Variants in PLA2G4C observed in about 807,000 individuals in gnomAD.
PLA2G4C encodes the protein phospholipase A2 group IVC.
PLA2G4C carries 64 observed loss-of-function variants against 73.8 expected under a neutral mutation model. That is an observed-to-expected ratio of 0.87 (90% CI 0.71 to 1.07). The LOEUF (loss-of-function observed/expected upper bound fraction) is 1.07. PLA2G4C is among the 50% of genes least tolerant of loss of function. The pLI is 0.00. For synonymous variants in PLA2G4C, 254 were observed against 252.1 expected (o/e 1.01, Z -0.07); for missense variants, 622 against 665.4 (o/e 0.93, Z 0.72).
chr19:48,061,121 C>A (rs1007385333), intron 14 of PLA2G4C, among the ~76,000 whole-genome samples: 9 of 152,144 alleles, frequency 5.9e-5, no homozygotes, highest in Admixed American at 5.9e-4. Flanking sequence ...GACCCTGTCT[C>A]TAAAACAATT....
rs141275643 is a variant in PLA2G4C, at chr19:48,098,977, G to A, written c.447+694C>T. Among the ~76,000 whole-genome samples, 22 of 151,202 alleles carry A rather than the reference G, an allele frequency of 1.5e-4. No individual in the cohort carries two copies. In the East Asian group the frequency reaches 3.2e-3, roughly 22 times the overall value. ...AGGCTGGATGCAGTGGCTCATACACGTAATCCCAGCACTTCGGGAGGCTGA... is the reference window on the plus strand; with the variant it reads ...AGGCTGGATGCAGTGGCTCATACACATAATCCCAGCACTTCGGGAGGCTGA... On this transcript the variant is annotated intron_variant, in intron 5 of 16. Transcript: ENST00000599921.
chr19:48,053,106 G>A lies in PLA2G4C; in HGVS notation c.1471C>T (p.Leu491Phe). 1 of 1,611,090 alleles carries A rather than the reference G, an allele frequency of 6.2e-7. No individual in the cohort carries two copies. Among genetic ancestry groups the A allele is most frequent in the African/African-American group, 1.3e-5 (1 of 74,986 alleles). The change falls in exon 16 of 17, where the codon CTT becomes TTT. Residue 491 changes from leucine (L) to phenylalanine (F), a missense_variant. By Grantham distance (22) the Leu-to-Phe change is conservative. Transcript: ENST00000599921. ...ACATCTAGAGTGTAGGTGTCAGCAA[G>A]CTTGAATGTGTCGTATGTGTCACTC... ...AWSDTYDTFK[L>F]ADTYTLDVVV...
chr19:48,048,588 G>A (rs1238262283), intron 16 of PLA2G4C, among the ~76,000 whole-genome samples, 200 bp from the exon 17 acceptor site: 2 of 152,130 alleles, frequency 1.3e-5, no homozygotes, highest in African/African-American at 2.4e-5. Flanking sequence ...CTTTTACCAC[G>A]TAAACGTTTA....
chr19:48,068,112 G>A (rs537802344), intron 12 of PLA2G4C, among the ~76,000 whole-genome samples: 11 of 152,266 alleles, frequency 7.2e-5, no homozygotes, highest in African/African-American at 2.4e-4. Flanking sequence ...GACCATCCTG[G>A]CCAACATGGT....
chr19:48,073,676 A>G (rs1481225048), intron 12 of PLA2G4C, among the ~76,000 whole-genome samples: 4 of 152,118 alleles, frequency 2.6e-5, no homozygotes, highest in Admixed American at 2.6e-4. Flanking sequence ...TGGATGCTGT[A>G]CAGGAAGCGT....
rs565875847 is a variant in PLA2G4C, at chr19:48,084,355, G to A, written c.844+704C>T. On this transcript the variant is annotated intron_variant, in intron 10 of 16. Coordinates refer to ENST00000599921, the MANE Select transcript of PLA2G4C (RefSeq NM_003706.3). ...GATTACAGGCATGAGCCACTGCGCC[G>A]GGCCAGGCTGCTTGCATCTTGTTGC... is the stretch of plus-strand genomic sequence containing the variant. Among the ~76,000 whole-genome samples, 6 of 143,796 alleles carry A rather than the reference G, an allele frequency of 4.2e-5. 1 individual carries two copies. The highest frequency in any genetic ancestry group is 1.4e-4 in the African/African-American group (5 of 34,734). The allele number at this position is 143,796 out of a possible 152,430, so 94.3% of individuals were successfully genotyped here. A position where few individuals can be genotyped will look rare whatever the true frequency, so the allele number is the denominator to read the frequency against.
rs180966489 is a variant in PLA2G4C at position 48,058,403 on chromosome 19, A to T, written c.1258-3354T>A. Among the ~76,000 whole-genome samples the T allele has an allele frequency of 4.0e-4, 61 of 152,078 alleles. No individual in the cohort carries two copies. In the East Asian group the frequency reaches 0.012, roughly 29 times the overall value. ...TCCTCCCACCTTGGCCTCCCAAAGC[A>T]CTGAGATTACAGGAGTGAGCCACCG... On this transcript the variant is annotated intron_variant, in intron 14 of 16. Transcript: ENST00000599921.
chr19:48,085,029 C>G (rs770724739), intron 10 of PLA2G4C, 30 bp downstream of exon 10: 21 of 1,534,502 alleles, frequency 1.4e-5, no homozygotes, highest in Non-Finnish European at 1.5e-5. Flanking sequence ...TATCTCTAGG[C>G]TTTGACCTTT....
intron 16 of PLA2G4C, among the ~76,000 whole-genome samples, chr19:48,051,281 C>T (rs1967715097): frequency 6.6e-6 from 1 of 152,184 alleles, no homozygotes; most frequent in South Asian, 2.1e-4. Context: ...CTCCATAACA[C>T]TCGTTTCAGA....
chr19:48,089,667 T>G (rs550423667), intron 8 of PLA2G4C, among the ~76,000 whole-genome samples: 6 of 152,306 alleles, frequency 3.9e-5, no homozygotes, highest in African/African-American at 1.4e-4. Flanking sequence ...TACTATTGTC[T>G]CCATTTTAGG....
At chr19:48,108,073 T>A (rs1355835021) in intron 1 of PLA2G4C, among the ~76,000 whole-genome samples, 1 of 152,046 alleles carries the variant, frequency 6.6e-6, no homozygotes, top group Non-Finnish European at 1.5e-5. Flanking sequence ...GTGGTAGTGG[T>A]CCCCCAGGCC....
intron 14 of PLA2G4C, 118 bp from the exon 15 acceptor site, chr19:48,055,167 C>A (rs1182001891): frequency 1.2e-5 from 11 of 897,164 alleles, no homozygotes; most frequent in Admixed American, 7.3e-5. Flanking sequence ...CACAACAGAG[C>A]AAGGGTCAGC....
At chr19:48,074,923 C>G (rs558388968) in intron 11 of PLA2G4C, 49 bp from the exon 12 acceptor site, 1 of 1,208,738 alleles carries the variant, frequency 8.3e-7, no homozygotes, top group South Asian at 1.4e-5. Flanking sequence ...AGTACCCTAC[C>G]AAGAACATCA....
intron 10 of PLA2G4C, among the ~76,000 whole-genome samples, chr19:48,080,784 A>C (rs1265517850): frequency 6.7e-6 from 1 of 148,518 alleles, no homozygotes; most frequent in Non-Finnish European, 1.5e-5. Flanking sequence ...AGCCTGGGCA[A>C]CAGAGCGAGA....
At chr19:48,066,714 C>T (rs1968437075) in intron 13 of PLA2G4C, among the ~76,000 whole-genome samples, 1 of 152,036 alleles carries the variant, frequency 6.6e-6, no homozygotes, top group African/African-American at 2.4e-5. Flanking sequence ...CCTGTAATCC[C>T]AGCACTTTGG....
chr19:48,083,200 T>G (rs1382880512), intron 10 of PLA2G4C, among the ~76,000 whole-genome samples: 8 of 152,292 alleles, frequency 5.3e-5, no homozygotes, highest in African/African-American at 1.2e-4. Context: ...AGCTTTGCTC[T>G]AAGTACTTTA....
chr19:48,104,524 C>T, intron 4 of PLA2G4C, 64 bp downstream of exon 4: 1 of 1,521,278 alleles, frequency 6.6e-7, no homozygotes, highest in East Asian at 2.3e-5. Context: ...CATTTGGTGT[C>T]AGGAGGAAAA....
chr19:48,080,335 G>A (rs560307612), intron 10 of PLA2G4C, among the ~76,000 whole-genome samples: 23 of 152,252 alleles, frequency 1.5e-4, no homozygotes, highest in African/African-American at 5.3e-4. Context: ...AACCATAGAC[G>A]TTGGTGTGGA....
At chr19:48,086,476 G>T (rs2030986814) in intron 9 of PLA2G4C, among the ~76,000 whole-genome samples, 1 of 144,088 alleles carries the variant, frequency 6.9e-6, no homozygotes, top group African/African-American at 2.9e-5. Flanking sequence ...CCTGCACAGG[G>T]AGAGTTAGAG....
Sources: allele counts gnomAD v4.1 joint callset (sites outside exome capture counted in the v4.1 genomes callset), GRCh38; gene constraint gnomAD v4.1.1; transcripts MANE v1.5; gene names NCBI Gene and HGNC (gene_info 2026-07-23, HGNC 2026-07-21).